HMGCS1: variants seen among roughly 807,000 people sequenced by gnomAD.
HMGCS1 encodes hydroxymethylglutaryl-CoA synthase, cytoplasmic.
Under a neutral mutation model 52.3 loss-of-function variants are expected in HMGCS1, and 9 were observed. The observed-to-expected ratio is 0.17, with a 90% confidence interval of 0.10 to 0.30. HMGCS1 has a LOEUF of 0.30. Ranked by LOEUF, HMGCS1 falls within the 10% of genes least tolerant of loss-of-function variation. HMGCS1 has a pLI of 1.00. For synonymous variants in HMGCS1, 176 were observed against 214.4 expected, an observed-to-expected ratio of 0.82 and a Z score of 1.57; for missense variants, 320 against 620.9, an observed-to-expected ratio of 0.52 and a Z score of 5.15.
intron 1 of HMGCS1, 200 bp downstream of exon 1, chr5:43,313,156 C>G (rs1029971426): frequency 6.6e-6 from 1 of 152,510 alleles, no homozygotes; most frequent in Non-Finnish European, 1.5e-5. Flanking sequence ...CCGCTACGGT[C>G]GGCCTCAGGT....
chr5:43,312,609 T>A (rs184293703), intron 1 of HMGCS1, among the ~76,000 whole-genome samples: 1 of 152,118 alleles, frequency 6.6e-6, no homozygotes, highest in Admixed American at 6.5e-5. Context: ...TTACACTGTA[T>A]CACCTAAAGC....
At chr5:43,305,669 C>T (rs1754531293) in intron 2 of HMGCS1, among the ~76,000 whole-genome samples, 1 of 151,386 alleles carries the variant, frequency 6.6e-6, no homozygotes, top group Non-Finnish European at 1.5e-5. Flanking sequence ...ACTTGGAAGG[C>T]TGAGGCAGGA....
At chr5:43,312,152 A>G (rs753516287) in intron 1 of HMGCS1, among the ~76,000 whole-genome samples, 1 of 152,262 alleles carries the variant, frequency 6.6e-6, no homozygotes, top group Non-Finnish European at 1.5e-5. Flanking sequence ...TCTGTGCAAT[A>G]AAGTCCAAAA....
chr5:43,297,872 T>C (rs181067386), intron 4 of HMGCS1, 137 bp downstream of exon 4: 1 of 620,308 alleles, frequency 1.6e-6, no homozygotes, highest in Non-Finnish European at 2.6e-6. Context: ...AACATAAATA[T>C]GATAACACAC....
chr5:43,296,492 T>A (rs1267516662), intron 5 of HMGCS1, among the ~76,000 whole-genome samples: 2 of 152,220 alleles, frequency 1.3e-5, no homozygotes, highest in South Asian at 4.1e-4. Flanking sequence ...AAAAGTATAC[T>A]TTATGTAATA....
chr5:43,297,973 G>A (rs779735793), intron 4 of HMGCS1, 36 bp downstream of exon 4: 26 of 1,599,688 alleles, frequency 1.6e-5, no homozygotes, highest in Non-Finnish European at 2.2e-5. Flanking sequence ...AGCATATTGT[G>A]CTAAAAAAAA....
chr5:43,299,050 T>C lies in HMGCS1; in HGVS notation c.-10-75A>G, dbSNP rs1579648935. The C allele has an allele frequency of 3.7e-6, 4 of 1,076,236 alleles. No individual in the cohort carries two copies. In the East Asian group the frequency reaches 9.8e-5, roughly 26 times the overall value. 66.7% of individuals were successfully genotyped at this position (1,076,236 alleles called of 1,614,324 possible). ...GGTTTTCAACTTTGAAATTGAGAAA[T>C]AGATATTAAGAGTTTAGCAATCACC... is the stretch of plus-strand genomic sequence containing the variant. On this transcript the variant is annotated intron_variant, in intron 2 of 10. Coordinates refer to ENST00000325110, the MANE Select transcript of HMGCS1 (RefSeq NM_001098272.3).
intron 10 of HMGCS1, among the ~76,000 whole-genome samples, chr5:43,292,177 G>C (rs1372211683): frequency 6.6e-6 from 1 of 151,800 alleles, no homozygotes; most frequent in Non-Finnish European, 1.5e-5. Flanking sequence ...ATTTTTAGTA[G>C]AGACAGGGTT....
intron 2 of HMGCS1, among the ~76,000 whole-genome samples, chr5:43,304,576 C>A (rs957540069): frequency 1.3e-5 from 2 of 152,208 alleles, no homozygotes; most frequent in Non-Finnish European, 2.9e-5. Flanking sequence ...GTCTGACCAG[C>A]TCTGATCAAT....
intron 6 of HMGCS1, 78 bp downstream of exon 6, chr5:43,295,674 G>T: frequency 1.9e-6 from 2 of 1,047,532 alleles, no homozygotes; most frequent in Non-Finnish European, 2.8e-6. Context: ...AATTTCTCAG[G>T]TCTGTACAAA....
At chr5:43,309,416 T>C (rs185982384) in intron 1 of HMGCS1, among the ~76,000 whole-genome samples, 40 of 152,156 alleles carry the variant, frequency 2.6e-4, no homozygotes, top group Admixed American at 1.3e-3. Flanking sequence ...ATTTTTGTAT[T>C]TTTTGTAGAG....
At position 43,298,336 on chromosome 5, in the gene HMGCS1, CAAGAT is replaced by C. The variant is rs1184721171; in HGVS notation, c.448+177_448+181del. On this transcript the variant is annotated intron_variant, in intron 3 of 10. Transcript: ENST00000325110. This position sits in a 1 kb window ranked among gnomAD's most constrained non-coding sequence, Gnocchi z 5.6. The stretch of plus-strand genomic sequence containing the variant: ...AATTTTGAATAGACCATTTGTCCTA[CAAGAT>C]AAGATAACCAATTCACAATTCGGAT... 3.0e-6 allele frequency: 2 copies of C among 663,868 alleles called. No individual in the cohort carries two copies. The highest frequency in any genetic ancestry group is 5.0e-6 in the Non-Finnish European group (2 of 396,516). The allele number at this position is 663,868 out of a possible 1,614,324, so 41.1% of individuals were successfully genotyped here. A position where few individuals can be genotyped will look rare whatever the true frequency, so the allele number is the denominator to read the frequency against.
chr5:43,293,537 C>T (rs563990856), intron 8 of HMGCS1, among the ~76,000 whole-genome samples: 1 of 150,214 alleles, frequency 6.7e-6, no homozygotes, highest in East Asian at 1.9e-4. Flanking sequence ...TTAGTCCTAT[C>T]CTTTATCCAG....
chr5:43,309,689 C>G (rs1015822135), intron 1 of HMGCS1, among the ~76,000 whole-genome samples: 3 of 152,186 alleles, frequency 2.0e-5, no homozygotes, highest in African/African-American at 7.2e-5. Context: ...TTGCCAAAGT[C>G]TCAAGCAGAT....
intron 2 of HMGCS1, among the ~76,000 whole-genome samples, chr5:43,300,494 T>G (rs1754259390): frequency 6.6e-6 from 1 of 152,176 alleles, no homozygotes; most frequent in Non-Finnish European, 1.5e-5. Context: ...GCTCTGCAAT[T>G]AAAGGTCTTA....
chr5:43,307,735 T>C (rs1754650598), intron 2 of HMGCS1, 31 bp downstream of exon 2: 1 of 152,254 alleles, frequency 6.6e-6, no homozygotes, highest in Non-Finnish European at 1.5e-5. Context: ...AGAGGAATAC[T>C]TTCCTTAAGC....
chr5:43,304,146 C>T (rs967538009), intron 2 of HMGCS1, among the ~76,000 whole-genome samples: 1 of 152,168 alleles, frequency 6.6e-6, no homozygotes, highest in African/African-American at 2.4e-5. Flanking sequence ...AAGAAAGAGC[C>T]CTACAACTAC....
intron 1 of HMGCS1, among the ~76,000 whole-genome samples, chr5:43,309,440 ATCTT>A (rs1159862764): frequency 2.6e-5 from 4 of 152,084 alleles, no homozygotes; most frequent in African/African-American, 9.7e-5. Flanking sequence ...GGGTTTTGCC[ATCTT>A]TCCCAGGCTG....
chr5:43,297,000 A>G lies in HMGCS1; in HGVS notation c.739+2T>C. 1.9e-6 allele frequency: 3 copies of G among 1,613,314 alleles called. No homozygotes were observed. Among genetic ancestry groups the G allele is most frequent in the Non-Finnish European group, 2.5e-6 (3 of 1,179,608 alleles). Reference sequence around the variant, plus strand: ...AAACCAAGGAAAATGGGTAAAACTTACCTTTCTGCCACTGGGCATGGATCT... The same window carrying G: ...AAACCAAGGAAAATGGGTAAAACTTGCCTTTCTGCCACTGGGCATGGATCT... On this transcript the variant is annotated splice_donor_variant, in intron 5 of 10. Coordinates refer to ENST00000325110, the MANE Select transcript of HMGCS1 (RefSeq NM_001098272.3). LOFTEE classifies it high-confidence loss of function.
Sources: allele counts gnomAD v4.1 joint callset (sites outside exome capture counted in the v4.1 genomes callset), GRCh38; gene constraint gnomAD v4.1.1; non-coding constraint Gnocchi (gnomAD v3.1); transcripts MANE v1.5; gene names NCBI Gene and HGNC (gene_info 2026-07-23, HGNC 2026-07-21).